Variants in COL15A1 observed in about 807,000 individuals in gnomAD.
The protein encoded by COL15A1 is collagen alpha-1(XV) chain.
COL15A1 carries 111 observed loss-of-function variants against 165.9 expected under a neutral mutation model. The observed-to-expected ratio is 0.67, with a 90% CI of 0.57 to 0.78. The LOEUF (loss-of-function observed/expected upper bound fraction) is 0.78, where lower values mean the gene tolerates loss of function less well. Ranked by LOEUF, COL15A1 falls within the 30% of genes least tolerant of loss-of-function variation. The pLI, the probability that COL15A1 is intolerant of heterozygous loss-of-function variation, is 0.00. For missense variants in COL15A1, 1,745 were observed against 1,789.7 expected, an observed-to-expected ratio of 0.98 and a Z score of 0.45; for synonymous variants, 659 against 674.8, an observed-to-expected ratio of 0.98 and a Z score of 0.36.
At chr9:98,971,874 T>TG (rs1190686740) in intron 2 of COL15A1, among the ~76,000 whole-genome samples, 8 of 152,228 alleles carry the variant, frequency 5.3e-5, no homozygotes, top group African/African-American at 1.9e-4. Context: ...TCTCTCTCTC[T>TG]GGGCTGCTCT....
At position 99,004,967 on chromosome 9, in the gene COL15A1, G is replaced by A. The variant is rs1838731589; in HGVS notation, c.1270G>A (p.Gly424Arg). The change falls in exon 9 of 42, where the codon GGG (glycine) becomes AGG (arginine). Residue 424 changes from glycine to arginine, a missense_variant. Coordinates refer to ENST00000375001, the MANE Select transcript of COL15A1 (RefSeq NM_001855.5). ...GEAEALASMP[G>R]EVEASGVAPG... ...GGCCGAGGCACTCGCCAGCATGCCTGGGGAAGTGGAGGCCAGTGGTGTGGC... is the reference window on the plus strand; with the variant it reads ...GGCCGAGGCACTCGCCAGCATGCCTAGGGAAGTGGAGGCCAGTGGTGTGGC... 1 of 1,614,072 alleles carries A rather than the reference G, an allele frequency of 6.2e-7. No individual in the cohort carries two copies. Among genetic ancestry groups the A allele is most frequent in the African/African-American group, 1.3e-5 (1 of 75,042 alleles).
chr9:99,021,243 C>T (rs1276339223), intron 12 of COL15A1, among the ~76,000 whole-genome samples: 3 of 152,194 alleles, frequency 2.0e-5, no homozygotes, highest in Non-Finnish European at 4.4e-5. Flanking sequence ...ATGATGCTCC[C>T]GTCCTGGGGC....
intron 21 of COL15A1, among the ~76,000 whole-genome samples, chr9:99,037,239 C>T (rs1839318632): frequency 6.6e-6 from 1 of 152,242 alleles, no homozygotes; most frequent in South Asian, 2.1e-4. Flanking sequence ...GACTCCTCCA[C>T]CTGCCCTCTG....
At chr9:99,013,983 TC>T (rs956459501) in intron 9 of COL15A1, among the ~76,000 whole-genome samples, 3 of 150,730 alleles carry the variant, frequency 2.0e-5, no homozygotes, top group African/African-American at 4.9e-5. Context: ...TGTTTTTTTT[TC>T]CCCTCTCTTG....
At chr9:98,997,112 G>T in intron 6 of COL15A1, 31 bp downstream of exon 6, 1 of 1,613,012 alleles carries the variant, frequency 6.2e-7, no homozygotes, top group Non-Finnish European at 8.5e-7. Flanking sequence ...CTACGTAGTG[G>T]CCTTTTATTG....
intron 2 of COL15A1, among the ~76,000 whole-genome samples, chr9:98,952,020 C>T (rs147328012): frequency 2.4e-4 from 36 of 152,312 alleles, no homozygotes; most frequent in African/African-American, 7.0e-4. Flanking sequence ...TGATTAGTTG[C>T]CTGCATCCCT....
chr9:98,977,464 G>A (rs1838158638), intron 2 of COL15A1, among the ~76,000 whole-genome samples: 1 of 152,354 alleles, frequency 6.6e-6, no homozygotes, highest in Non-Finnish European at 1.5e-5. Context: ...AGGGAAATGA[G>A]CCAGCAGGCC....
intron 2 of COL15A1, among the ~76,000 whole-genome samples, chr9:98,978,086 TTGCTTCCTGGCTG>T (rs1282822306): frequency 6.6e-6 from 1 of 152,228 alleles, no homozygotes; most frequent in Non-Finnish European, 1.5e-5. Flanking sequence ...GCCCCATCTG[TTGCTTCCTGGCTG>T]TGCCTCCTGG....
chr9:99,038,146 T>G (rs1199388232), intron 21 of COL15A1, among the ~76,000 whole-genome samples: 1 of 146,586 alleles, frequency 6.8e-6, no homozygotes, highest in Non-Finnish European at 1.5e-5. Flanking sequence ...ATCAAATATG[T>G]GTAAGGGTGT....
chr9:99,021,822 TG>T (rs1460503667), intron 12 of COL15A1, among the ~76,000 whole-genome samples: 1 of 152,210 alleles, frequency 6.6e-6, no homozygotes, highest in African/African-American at 2.4e-5. Flanking sequence ...GGATAAATCC[TG>T]GAAGAAGGGA....
intron 2 of COL15A1, among the ~76,000 whole-genome samples, chr9:98,965,754 G>A (rs1278868206): frequency 6.6e-6 from 1 of 152,206 alleles, no homozygotes; most frequent in Admixed American, 6.5e-5. Flanking sequence ...AGTGGGCGGG[G>A]AGTGCTCCCT....
At chr9:99,063,834 G>C (rs879569178) in intron 39 of COL15A1, among the ~76,000 whole-genome samples, 2 of 152,098 alleles carry the variant, frequency 1.3e-5, no homozygotes, top group African/African-American at 4.8e-5. Context: ...TGAATATGGC[G>C]CATTAAAGAT....
intron 10 of COL15A1, 112 bp from the exon 11 acceptor site, chr9:99,015,864 A>T: frequency 2.3e-6 from 3 of 1,288,768 alleles, no homozygotes; most frequent in Non-Finnish European, 3.3e-6. Context: ...CGATGATCGT[A>T]GGTAAGAACG....
chr9:98,981,770 C>T (rs540591153), intron 2 of COL15A1, among the ~76,000 whole-genome samples: 7 of 152,118 alleles, frequency 4.6e-5, no homozygotes, highest in Middle Eastern at 3.4e-3. Flanking sequence ...GTCTTTCTTA[C>T]GTGGAGTGGT....
At chr9:98,989,065 C>CACACACACACT in intron 4 of COL15A1, 113 bp from the exon 5 acceptor site, 2 of 739,412 alleles carry the variant, frequency 2.7e-6, no homozygotes, top group Non-Finnish European at 4.8e-6. Flanking sequence ...CACACACACA[C>CACACACACACT]GGTTTCCCTG....
At chr9:99,053,638 C>A (rs1437783421) in intron 31 of COL15A1, among the ~76,000 whole-genome samples, 1 of 152,226 alleles carries the variant, frequency 6.6e-6, no homozygotes, top group Admixed American at 6.5e-5. Context: ...GTGAAGGAGG[C>A]CCCATGGGCC....
At chr9:99,048,613 A>T (rs1254620006) in intron 28 of COL15A1, among the ~76,000 whole-genome samples, 1 of 152,070 alleles carries the variant, frequency 6.6e-6, no homozygotes, top group Non-Finnish European at 1.5e-5. Context: ...ACATATGTAT[A>T]CATGTGCCAT....
intron 2 of COL15A1, among the ~76,000 whole-genome samples, chr9:98,978,174 G>A (rs774069781): frequency 6.6e-5 from 10 of 152,340 alleles, no homozygotes; most frequent in South Asian, 2.1e-4. Context: ...ATAGATTCAT[G>A]AATTTTTGTT....
Position 99,036,224 on chromosome 9 carries a change from G to A in COL15A1, c.2325+19G>A. ...ACCCAAGGTGAGGTCACAGAGCCAA[G>A]GTGGGGGTGGGAGGGCTTTCCAGCC... On this transcript the variant is annotated intron_variant, in intron 20 of 41. Transcript: ENST00000375001. 1.9e-6 allele frequency: 3 copies of A among 1,613,590 alleles called. No individual in the cohort carries two copies.
Sources: allele counts gnomAD v4.1 joint callset (sites outside exome capture counted in the v4.1 genomes callset), GRCh38; gene constraint gnomAD v4.1.1; transcripts MANE v1.5; gene names NCBI Gene and HGNC (gene_info 2026-07-23, HGNC 2026-07-21).